SYNE1: variants seen among roughly 807,000 people sequenced by gnomAD.
SYNE1 encodes nesprin-1.
SYNE1 carries 616 observed loss-of-function variants against 1,111.0 expected under a neutral mutation model. The observed-to-expected ratio is 0.55, with a 90% CI of 0.52 to 0.59. The LOEUF (loss-of-function observed/expected upper bound fraction) is 0.59, where lower values mean the gene tolerates loss of function less well. Among genes scored for constraint, SYNE1 ranks in the 20% least tolerant of loss-of-function variants. The pLI, the probability that SYNE1 is intolerant of heterozygous loss-of-function variation, is 0.00. For synonymous variants in SYNE1, 3,855 were observed against 3,825.8 expected (o/e 1.01, Z -0.28); for missense variants, 10,006 against 10,417.0 (o/e 0.96, Z 1.72).
At chr6:152,218,197 A>C in intron 121 of SYNE1, 60 bp downstream of exon 121, 1 of 1,607,022 alleles carries the variant, frequency 6.2e-7, no homozygotes, top group Non-Finnish European at 8.5e-7. Context: ...ATCTCAAAAA[A>C]AAAAAGATTT....
At chr6:152,150,454 G>C (rs1253631325) in intron 135 of SYNE1, among the ~76,000 whole-genome samples, 4 of 152,208 alleles carry the variant, frequency 2.6e-5, no homozygotes, top group Admixed American at 2.6e-4. Flanking sequence ...ATGTTGATTC[G>C]CCTGTGAGAT....
At position 152,330,863 on chromosome 6, in the gene SYNE1, T is replaced by C; in HGVS notation, c.13822A>G (p.Ile4608Val). Residue 4608 changes from isoleucine to valine, a missense_variant, in exon 78 of 146, where the codon ATT becomes GTT. Ile to Val is a conservative substitution (Grantham distance 29). Transcript: ENST00000367255. ...LHTQLAKYQN[I>V]LEQSPEYENL... ...TCATATTCTGGAGATTGTTCAAGAA[T>C]GTTTTGGTATTTAGCCAGTTGTGTA... The C allele has an allele frequency of 6.2e-7, 1 of 1,614,196 alleles. No individual in the cohort carries two copies. The highest frequency in any genetic ancestry group is 8.5e-7 in the Non-Finnish European group (1 of 1,180,020).
intron 6 of SYNE1, among the ~76,000 whole-genome samples, chr6:152,516,825 A>G (rs2099114575): frequency 6.6e-6 from 1 of 152,162 alleles, no homozygotes; most frequent in Non-Finnish European, 1.5e-5. Context: ...GGCTCAAGCC[A>G]TTCACCTACC....
At chr6:152,189,216 T>A in intron 128 of SYNE1, 36 bp downstream of exon 128, 18 of 1,610,558 alleles carry the variant, frequency 1.1e-5, no homozygotes, top group Non-Finnish European at 1.5e-5. Context: ...CAATTTTCCA[T>A]CATCAAGATA....
intron 73 of SYNE1, among the ~76,000 whole-genome samples, chr6:152,344,687 A>T (rs2096600252): frequency 6.6e-6 from 1 of 152,228 alleles, no homozygotes; most frequent in Non-Finnish European, 1.5e-5. Context: ...TCTGCAATAG[A>T]GATAGGGTAA....
intron 55 of SYNE1, among the ~76,000 whole-genome samples, chr6:152,384,028 G>A (rs1210763167): frequency 6.6e-6 from 1 of 152,142 alleles, no homozygotes; most frequent in Non-Finnish European, 1.5e-5. Flanking sequence ...CAAATCCACT[G>A]GATTTTCTTA....
At position 152,249,235 on chromosome 6, in the gene SYNE1, G is replaced by C. The variant is rs1164056836; in HGVS notation, c.19498C>G (p.Leu6500Val). ...QNDLKVLFTS[L>V]ADNKYIILQK... ...AGAATGATGTATTTGTTGTCAGCCA[G>C]TGATGTAAACAGCACTTTCAGATCA... Residue 6500 changes from leucine (L) to valine (V), a missense_variant, in exon 105 of 146, where the codon CTG becomes GTG. By Grantham distance (32) the Leu-to-Val change is conservative. This residue lies in a region of SYNE1 where 2,182 missense variants were observed against 2,287.8 expected (regional missense o/e 0.95). Coordinates refer to ENST00000367255, the MANE Select transcript of SYNE1 (RefSeq NM_182961.4). 1 of 1,613,648 alleles carries C rather than the reference G, an allele frequency of 6.2e-7. No individual in the cohort carries two copies. The highest frequency in any genetic ancestry group is 1.3e-5 in the African/African-American group (1 of 74,940).
chr6:152,537,749 GA>G (rs1237719309), intron 4 of SYNE1, among the ~76,000 whole-genome samples: 1 of 152,038 alleles, frequency 6.6e-6, no homozygotes, highest in Non-Finnish European at 1.5e-5. Context: ...TTTCCTAATT[GA>G]ATACCCTTTA....
chr6:152,206,413 C>T (rs1384718376), intron 125 of SYNE1, 51 bp from the exon 126 acceptor site: 2 of 1,603,510 alleles, frequency 1.2e-6, no homozygotes, highest in East Asian at 2.2e-5. Flanking sequence ...TCATCGTTTC[C>T]TTCCCATAAG....
At chr6:152,598,599 T>C (rs1256842429) in intron 3 of SYNE1, among the ~76,000 whole-genome samples, 1 of 152,244 alleles carries the variant, frequency 6.6e-6, no homozygotes, top group Non-Finnish European at 1.5e-5. Context: ...CAAAATAGCA[T>C]CATGGGAATG....
rs1230499142 is a variant in SYNE1, at chr6:152,336,992, T to C, written c.12377A>G (p.Gln4126Arg). 1.2e-6 allele frequency: 2 copies of C among 1,613,862 alleles called. No individual in the cohort carries two copies. The highest frequency in any genetic ancestry group is 2.7e-5 in the African/African-American group (2 of 74,900). ...CTCTTCCCAGCCCTGAGTTAAGTTC[T>C]GGGCCTGGACAAGCTTTTGTTCAAT... ...QTIEQKLVQA[Q>R]NLTQGWEEIK... Residue 4126 changes from glutamine (Q) to arginine (R), a missense_variant, in exon 76 of 146, where the codon CAG (glutamine) becomes CGG (arginine). This residue lies in a region of SYNE1 where 4,955 missense variants were observed against 5,017.2 expected (regional missense o/e 0.99). Coordinates refer to ENST00000367255, the MANE Select transcript of SYNE1 (RefSeq NM_182961.4).
chr6:152,180,362 T>C (rs966195060), intron 128 of SYNE1, 68 bp from the exon 129 acceptor site: 25 of 1,476,464 alleles, frequency 1.7e-5, no homozygotes, highest in African/African-American at 2.8e-5. Context: ...CCAAGGAAAA[T>C]AGCAAATAAA....
intron 78 of SYNE1, 59 bp from the exon 79 acceptor site, chr6:152,326,692 G>C (rs749887168): frequency 5.1e-5 from 77 of 1,520,476 alleles, no homozygotes; most frequent in Non-Finnish European, 6.9e-5. Flanking sequence ...TTGCAGGAAA[G>C]AGTTTTATTC....
chr6:152,362,278 G>T lies in SYNE1; in HGVS notation c.10191C>A (p.Gly3397=), dbSNP rs4407724. 1,086,614 of 1,613,830 alleles carry T rather than the reference G, an allele frequency of 0.67. 367,546 individuals are homozygous for T. Among genetic ancestry groups the T allele is most frequent in the East Asian group, 0.82 (36,707 of 44,854 alleles). The part of the protein sequence containing the change: ...ALSKWTSYQD[G]VRQFSGWMDS... ...CCATCCAACCGGAGAACTGTCGAACGCCATCCTGATAACTTGTCCACTTGG... is the reference window on the plus strand; with the variant it reads ...CCATCCAACCGGAGAACTGTCGAACTCCATCCTGATAACTTGTCCACTTGG... Residue 3397 remains glycine (G), a synonymous_variant, in exon 64 of 146, where the codon GGC becomes GGA. Coordinates refer to ENST00000367255, the MANE Select transcript of SYNE1 (RefSeq NM_182961.4).
At chr6:152,232,668 G>GA (rs1345898465) in intron 112 of SYNE1, among the ~76,000 whole-genome samples, 1 of 152,156 alleles carries the variant, frequency 6.6e-6, no homozygotes, top group Non-Finnish European at 1.5e-5. Context: ...AAAGAAGAAA[G>GA]AAAAATACCA....
intron 91 of SYNE1, among the ~76,000 whole-genome samples, chr6:152,307,275 G>C (rs911069723): frequency 2.6e-5 from 4 of 152,142 alleles, no homozygotes; most frequent in African/African-American, 9.7e-5. Context: ...AATTATTAAT[G>C]TTTGTAGATG....
intron 106 of SYNE1, among the ~76,000 whole-genome samples, chr6:152,242,924 T>A (rs2086114531): frequency 6.6e-6 from 1 of 152,028 alleles, no homozygotes; most frequent in African/African-American, 2.4e-5. Context: ...TCTTATCTCA[T>A]GCCACATATC....
intron 121 of SYNE1, among the ~76,000 whole-genome samples, chr6:152,217,878 C>T (rs1191426638): frequency 6.6e-6 from 1 of 152,090 alleles, no homozygotes; most frequent in Non-Finnish European, 1.5e-5. Flanking sequence ...ACTGGGGGCT[C>T]ACTCGAAAGA....
intron 137 of SYNE1, chr6:152,147,398 G>A (rs968900925): frequency 2.6e-5 from 4 of 152,236 alleles, no homozygotes; most frequent in Admixed American, 6.5e-5. Flanking sequence ...ACCTCCCTCC[G>A]CAGATCCTGC....
Sources: gnomAD v4.1 joint callset for allele counts (sites outside exome capture counted in the v4.1 genomes callset) on GRCh38, gnomAD v4.1.1 for gene constraint, gnomAD v4.1.1 regional missense constraint, MANE v1.5 for transcripts, NCBI Gene and HGNC (gene_info 2026-07-23, HGNC 2026-07-21) for gene names.